Variants in NRG1 observed in about 807,000 individuals in gnomAD.
NRG1 encodes the protein pro-neuregulin-1, membrane-bound isoform.
A neutral mutation model predicts 63.8 loss-of-function variants in NRG1; 18 were observed. The observed-to-expected ratio is 0.28, with a 90% CI of 0.19 to 0.42. The LOEUF is 0.42. NRG1 is among the 10% of genes least tolerant of loss of function. The pLI, the probability that NRG1 is intolerant of heterozygous loss-of-function variation, is 1.00. For synonymous variants in NRG1, 302 were observed against 301.3 expected, an observed-to-expected ratio of 1.00 and a Z score of -0.02; for missense variants, 762 against 814.7, an observed-to-expected ratio of 0.94 and a Z score of 0.79.
chr8:31,653,894 A>G (rs1192238155), intron 1 of NRG1, among the ~76,000 whole-genome samples: 1 of 150,994 alleles, frequency 6.6e-6, no homozygotes, highest in Non-Finnish European at 1.5e-5. Flanking sequence ...TTTGATGTAG[A>G]GACTGTGGAG....
At chr8:31,720,314 G>A (rs7017348) in intron 1 of NRG1, among the ~76,000 whole-genome samples, 22,417 of 152,060 alleles carry the variant, frequency 0.15, 1,802 homozygotes, top group Admixed American at 0.21. Context: ...TTGACATTTT[G>A]CAAGCCTTTT....
At chr8:31,661,713 A>C (rs1041888707) in intron 1 of NRG1, among the ~76,000 whole-genome samples, 1 of 152,218 alleles carries the variant, frequency 6.6e-6, no homozygotes, top group African/African-American at 2.4e-5. Context: ...TTGTCTAAAA[A>C]ATGTCATCTG....
At chr8:32,344,384 C>CTTTCTTTCTTTCTCTTTCTTTCTT (rs1554513726) in intron 1 of NRG1, among the ~76,000 whole-genome samples, 1 of 69,488 alleles carries the variant, frequency 1.4e-5, no homozygotes, top group Non-Finnish European at 2.7e-5. Flanking sequence ...CTTTCTTTCT[C>CTTTCTTTCTTTCTCTTTCTTTCTT]TTTCTTTCTT....
At chr8:32,685,497 T>C (rs764236420) in intron 5 of NRG1, among the ~76,000 whole-genome samples, 3 of 152,210 alleles carry the variant, frequency 2.0e-5, no homozygotes, top group Non-Finnish European at 2.9e-5. Flanking sequence ...AATTCTGATG[T>C]TTGTTCCTAG....
At chr8:31,957,253 T>C (rs1804607184) in intron 1 of NRG1, among the ~76,000 whole-genome samples, 1 of 151,114 alleles carries the variant, frequency 6.6e-6, no homozygotes, top group Non-Finnish European at 1.5e-5. Context: ...GGAGGTGAAA[T>C]GAGACCTAGA....
At chr8:32,422,541 C>A (rs1252111591) in intron 1 of NRG1, among the ~76,000 whole-genome samples, 1 of 152,110 alleles carries the variant, frequency 6.6e-6, no homozygotes, top group Non-Finnish European at 1.5e-5. Flanking sequence ...AGCTTTTGAC[C>A]AATTTTCCTT....
intron 1 of NRG1, among the ~76,000 whole-genome samples, chr8:32,052,336 T>A (rs1822123969): frequency 6.7e-6 from 1 of 149,198 alleles, no homozygotes; most frequent in African/African-American, 2.5e-5. Flanking sequence ...AGTCCAGTGG[T>A]GTGATCATAG....
chr8:32,744,829 C>T (rs1827129304), intron 7 of NRG1, among the ~76,000 whole-genome samples: 1 of 152,080 alleles, frequency 6.6e-6, no homozygotes, highest in Admixed American at 6.6e-5. Context: ...CTCTTTTAGA[C>T]CATTTGCTTT....
At position 31,834,496 on chromosome 8, in the gene NRG1, C is replaced by T. The variant is rs182352018; in HGVS notation, c.37+195065C>T. ...CTGAGGTGGCAGGATCACTTGAGCT[C>T]AGGAGTTCAAGACCAGCCTGGGCAT... On this transcript the variant is annotated intron_variant, in intron 1 of 10. Transcript: ENST00000519301. Among the ~76,000 whole-genome samples the T allele has an allele frequency of 7.9e-5, 12 of 152,266 alleles. No homozygotes were observed. The East Asian group carries it at 2.3e-3, about 29-fold the overall frequency.
chr8:32,022,191 CTG>C (rs917744566), intron 1 of NRG1, among the ~76,000 whole-genome samples: 1 of 152,142 alleles, frequency 6.6e-6, no homozygotes, highest in African/African-American at 2.4e-5. Context: ...AAAATTGTCC[CTG>C]TGAATTTCAG....
chr8:32,137,289 T>C (rs2131688974), intron 1 of NRG1, among the ~76,000 whole-genome samples: 2 of 151,946 alleles, frequency 1.3e-5, no homozygotes, highest in East Asian at 3.9e-4. Flanking sequence ...CTACTAAAAA[T>C]ACAAAAATTA....
intron 1 of NRG1, among the ~76,000 whole-genome samples, chr8:31,729,144 A>G (rs186261487): frequency 6.6e-6 from 1 of 152,250 alleles, no homozygotes; most frequent in Admixed American, 6.5e-5. Context: ...TTTCAGTGAT[A>G]TATGTTAGGT....
rs536209588 is a variant in NRG1, at chr8:32,295,940, G to GAAA, written c.38-299874_38-299872dup. Among the ~76,000 whole-genome samples the GAAA allele has an allele frequency of 2.4e-3, 311 of 128,072 alleles. 7 individuals are homozygous for GAAA. Among genetic ancestry groups the GAAA allele is most frequent in the African/African-American group, 7.6e-3 (257 of 33,620 alleles). 84.0% of individuals were successfully genotyped at this position (128,072 alleles called of 152,430 possible). On this transcript the variant is annotated intron_variant, in intron 1 of 10. Coordinates refer to the NRG1 transcript ENST00000519301. Reference sequence around the variant, plus strand: ...TGACAGGGCAAGACTAGGTCTCAAGGAAAAAAAAAAAAAAAAGAGAGAGAG... The same window carrying GAAA: ...TGACAGGGCAAGACTAGGTCTCAAGGAAAAAAAAAAAAAAAAAAAGAGAGAGAG...
At chr8:32,562,807 CAAG>C (rs1483352325) in intron 1 of NRG1, among the ~76,000 whole-genome samples, 1 of 152,084 alleles carries the variant, frequency 6.6e-6, no homozygotes, top group African/African-American at 2.4e-5. Context: ...GGGCAGCAGT[CAAG>C]AAGACAGAGG....
At position 32,296,008 on chromosome 8, in the gene NRG1, A is replaced by G. The variant is rs556016473; in HGVS notation, c.38-299820A>G. ...CTCTTGAAAAAATAATCTCTTAGCC[A>G]TTTTCCACTGCCACGAGTACATGTA... On this transcript the variant is annotated intron_variant, in intron 1 of 10. Coordinates refer to the NRG1 transcript ENST00000519301. Among the ~76,000 whole-genome samples the G allele has an allele frequency of 5.3e-5, 8 of 151,648 alleles. No homozygotes were observed. In the South Asian group the frequency reaches 1.7e-3, roughly 32 times the overall value.
chr8:32,484,073 A>G (rs1825631338), intron 1 of NRG1, among the ~76,000 whole-genome samples: 1 of 151,258 alleles, frequency 6.6e-6, no homozygotes, highest in Non-Finnish European at 1.5e-5. Context: ...ACTGCACTCC[A>G]GCCTGGGCGA....
intron 1 of NRG1, among the ~76,000 whole-genome samples, chr8:31,900,590 T>C (rs1831993254): frequency 6.6e-6 from 1 of 152,186 alleles, no homozygotes; most frequent in Non-Finnish European, 1.5e-5. Flanking sequence ...ATCAAATAAA[T>C]TGGACAGGTC....
At chr8:32,496,642 G>T (rs1587976714) in intron 1 of NRG1, among the ~76,000 whole-genome samples, 1 of 152,046 alleles carries the variant, frequency 6.6e-6, no homozygotes, top group East Asian at 1.9e-4. Flanking sequence ...GAGGGAGACT[G>T]GTTAACCAGG....
intron 1 of NRG1, among the ~76,000 whole-genome samples, chr8:31,779,844 C>A (rs1009603145): frequency 6.6e-6 from 1 of 152,150 alleles, no homozygotes; most frequent in Non-Finnish European, 1.5e-5. Context: ...ATGGATCTTT[C>A]AACATGCTTA....
Sources: allele counts gnomAD v4.1 joint callset (sites outside exome capture counted in the v4.1 genomes callset), GRCh38; gene constraint gnomAD v4.1.1; transcripts MANE v1.5; gene names NCBI Gene and HGNC (gene_info 2026-07-23, HGNC 2026-07-21).